GPC6: variants seen among roughly 807,000 people sequenced by gnomAD.
GPC6 encodes the protein glypican 6.
GPC6 carries 14 observed loss-of-function variants against 55.2 expected under a neutral mutation model. The observed-to-expected ratio is 0.25, with a 90% CI of 0.17 to 0.40. The LOEUF (loss-of-function observed/expected upper bound fraction) is 0.40, where lower values mean the gene tolerates loss of function less well. Ranked by LOEUF, GPC6 falls within the 10% of genes least tolerant of loss-of-function variation. The probability of loss-of-function intolerance (pLI) is 1.00; values close to 1 mark genes in which losing one functional copy is unlikely to be tolerated. For missense variants in GPC6, 641 were observed against 708.5 expected, an observed-to-expected ratio of 0.90 and a Z score of 1.08; for synonymous variants, 278 against 259.6, an observed-to-expected ratio of 1.07 and a Z score of -0.68.
intron 1 of GPC6, among the ~76,000 whole-genome samples, chr13:93,478,488 A>G (rs1205661302): frequency 1.3e-5 from 2 of 152,214 alleles, no homozygotes; most frequent in East Asian, 3.8e-4. Flanking sequence ...GGCATAATTT[A>G]CCAGAAAAAA....
At chr13:93,884,211 G>A (rs992758502) in intron 3 of GPC6, among the ~76,000 whole-genome samples, 1 of 152,030 alleles carries the variant, frequency 6.6e-6, no homozygotes, top group African/African-American at 2.4e-5. Flanking sequence ...ATCATTCTAA[G>A]GCGAACTGTT....
At chr13:93,654,969 T>C (rs184607554) in intron 2 of GPC6, among the ~76,000 whole-genome samples, 183 of 149,848 alleles carry the variant, frequency 1.2e-3, no homozygotes, top group African/African-American at 4.3e-3. Context: ...CCAGAGTAGC[T>C]GGGACTACAG....
At chr13:93,425,345 T>C (rs897943852) in intron 1 of GPC6, among the ~76,000 whole-genome samples, 73 of 152,284 alleles carry the variant, frequency 4.8e-4, no homozygotes, top group African/African-American at 1.7e-3. Flanking sequence ...ATGAAATCTA[T>C]GTAAATACTT....
intron 2 of GPC6, among the ~76,000 whole-genome samples, chr13:93,592,398 TA>T (rs1664916213): frequency 7.1e-6 from 1 of 141,618 alleles, no homozygotes; most frequent in African/African-American, 2.8e-5. Context: ...TATATTAATA[TA>T]TAAATATAAA....
intron 4 of GPC6, among the ~76,000 whole-genome samples, chr13:94,157,004 C>T (rs1053816942): frequency 9.9e-5 from 15 of 152,090 alleles, no homozygotes; most frequent in African/African-American, 2.9e-4. Context: ...CCACTATGCG[C>T]GAGGAGCTGT....
intron 1 of GPC6, among the ~76,000 whole-genome samples, chr13:93,337,212 G>A (rs1880076994): frequency 6.6e-6 from 1 of 152,094 alleles, no homozygotes. Flanking sequence ...TGAAATTATT[G>A]AGTTTGTTTA....
chr13:94,261,310 T>G (rs731752), intron 4 of GPC6, among the ~76,000 whole-genome samples: 2,416 of 152,228 alleles, frequency 0.016, 57 homozygotes, highest in African/African-American at 0.053. Flanking sequence ...GGAAAGAGCA[T>G]TTGTTAATGG....
At chr13:93,936,139 T>C (rs1397633452) in intron 3 of GPC6, among the ~76,000 whole-genome samples, 1 of 152,208 alleles carries the variant, frequency 6.6e-6, no homozygotes, top group Admixed American at 6.5e-5. Context: ...ATTTGGATTG[T>C]AGAGAAACAA....
At chr13:93,760,026 A>AAC (rs1555329520) in intron 2 of GPC6, among the ~76,000 whole-genome samples, 4 of 426 alleles carry the variant, frequency 9.4e-3, no homozygotes, top group Non-Finnish European at 0.015. Flanking sequence ...CTGAGAAAAC[A>AAC]AAAAAAAAAA....
chr13:93,419,890 T>A (rs1301193565), intron 1 of GPC6, among the ~76,000 whole-genome samples: 12 of 152,144 alleles, frequency 7.9e-5, no homozygotes, highest in Non-Finnish European at 1.5e-5. Context: ...TCTGCCCTAC[T>A]GTGTCTATTA....
intron 6 of GPC6, among the ~76,000 whole-genome samples, chr13:94,372,172 A>G (rs1029252942): frequency 5.9e-5 from 9 of 151,842 alleles, no homozygotes; most frequent in African/African-American, 2.2e-4. Context: ...CATTAAGGCC[A>G]GTTGTCTCAT....
intron 3 of GPC6, among the ~76,000 whole-genome samples, chr13:94,002,127 A>G (rs1180393879): frequency 6.6e-6 from 1 of 152,076 alleles, no homozygotes; most frequent in Non-Finnish European, 1.5e-5. Flanking sequence ...AAAGGTGACA[A>G]GAGGCTTGGA....
At chr13:93,313,246 G>T (rs1879134153) in intron 1 of GPC6, among the ~76,000 whole-genome samples, 1 of 151,854 alleles carries the variant, frequency 6.6e-6, no homozygotes, top group South Asian at 2.1e-4. Flanking sequence ...CAACAACTAA[G>T]AACTAATAAA....
intron 1 of GPC6, among the ~76,000 whole-genome samples, chr13:93,276,458 C>CAGAG (rs144297308): frequency 0.017 from 2,019 of 117,140 alleles, 21 homozygotes; most frequent in South Asian, 0.024. Context: ...CTGGCCTTTT[C>CAGAG]AGAGAGAGAG....
At chr13:93,292,437 G>A (rs1317407935) in intron 1 of GPC6, among the ~76,000 whole-genome samples, 1 of 152,106 alleles carries the variant, frequency 6.6e-6, no homozygotes, top group African/African-American at 2.4e-5. Flanking sequence ...AAAATAATAA[G>A]AGTATCTCAA....
intron 6 of GPC6, among the ~76,000 whole-genome samples, chr13:94,318,229 A>C (rs9589950): frequency 0.4 from 61,043 of 151,930 alleles, 12,712 homozygotes; most frequent in African/African-American, 0.46. Flanking sequence ...AATTACTGAA[A>C]GAGAGATTTT....
chr13:94,081,049 G>A (rs1014679460), intron 4 of GPC6, among the ~76,000 whole-genome samples: 11 of 152,148 alleles, frequency 7.2e-5, no homozygotes, highest in Non-Finnish European at 7.3e-5. Context: ...AAAAGACCAT[G>A]GGTGTCTGTG....
intron 8 of GPC6, among the ~76,000 whole-genome samples, chr13:94,400,761 G>C (rs1881092722): frequency 6.6e-6 from 1 of 152,206 alleles, no homozygotes. Context: ...GACTAGCAGG[G>C]AGGAGTTTAG....
intron 3 of GPC6, among the ~76,000 whole-genome samples, chr13:93,853,894 GA>G (rs1888508088): frequency 6.6e-6 from 1 of 151,636 alleles, no homozygotes; most frequent in Admixed American, 6.6e-5. Context: ...TCAAGTCAAT[GA>G]AACACAGTAA....
Sources: allele counts gnomAD v4.1 joint callset (sites outside exome capture counted in the v4.1 genomes callset), GRCh38; gene constraint gnomAD v4.1.1; transcripts MANE v1.5; gene names NCBI Gene and HGNC (gene_info 2026-07-23, HGNC 2026-07-21).